SLCO3A1: variants seen among roughly 807,000 people sequenced by gnomAD.
The protein encoded by SLCO3A1 is PGE1 transporter.
A neutral mutation model predicts 63.1 loss-of-function variants in SLCO3A1; 27 were observed. That is an observed-to-expected ratio of 0.43 (90% confidence interval 0.32 to 0.59). The LOEUF is 0.59. SLCO3A1 is among the 20% of genes least tolerant of loss of function. SLCO3A1 has a pLI of 0.09. For missense variants in SLCO3A1, 773 were observed against 945.8 expected (o/e 0.82, Z 2.40); for synonymous variants, 473 against 409.9 (o/e 1.15, Z -1.86).
intron 4 of SLCO3A1, among the ~76,000 whole-genome samples, chr15:92,115,815 CAAAAAA>C (rs765666191): frequency 1.0e-4 from 9 of 86,712 alleles, no homozygotes; most frequent in Non-Finnish European, 1.7e-4. Context: ...TCTCTTCCCT[CAAAAAA>C]AAAAAAAAAA....
intron 2 of SLCO3A1, among the ~76,000 whole-genome samples, chr15:92,091,978 C>T (rs2047483200): frequency 6.6e-6 from 1 of 152,196 alleles, no homozygotes; most frequent in Non-Finnish European, 1.5e-5. Context: ...CACAGCAGGC[C>T]ACTGCTGTTC....
intron 9 of SLCO3A1, chr15:92,157,118 C>T (rs1313807952): frequency 6.6e-6 from 1 of 152,128 alleles, no homozygotes; most frequent in Non-Finnish European, 1.5e-5. Context: ...TTAATATTCC[C>T]TCTAATAGCG....
chr15:91,916,585 T>A lies in SLCO3A1; in HGVS notation c.646+127T>A. 1.4e-6 allele frequency: 1 copy of A among 695,412 alleles called. No homozygotes were observed. Among genetic ancestry groups the A allele is most frequent in the Non-Finnish European group, 2.3e-6 (1 of 428,252 alleles). 43.1% of individuals were successfully genotyped at this position (695,412 alleles called of 1,614,324 possible). A position where few individuals can be genotyped will look rare whatever the true frequency, so the allele number is the denominator to read the frequency against. ...GACTTGGCTGCACACCTAGTGTTCT[T>A]GAAAAATACTCATGCCTGGGGGTGC... On this transcript the variant is annotated intron_variant, in intron 2 of 9. Transcript: ENST00000318445. The surrounding 1 kb of genome is among the most constrained non-coding windows in gnomAD (Gnocchi z 6.2).
At chr15:92,111,248 G>A (rs2047725537) in intron 4 of SLCO3A1, among the ~76,000 whole-genome samples, 1 of 152,126 alleles carries the variant, frequency 6.6e-6, no homozygotes, top group South Asian at 2.1e-4. Flanking sequence ...CTGCATCTCA[G>A]CCTCCTCCAT....
At chr15:92,060,817 T>A (rs1471329907) in intron 2 of SLCO3A1, among the ~76,000 whole-genome samples, 1 of 152,148 alleles carries the variant, frequency 6.6e-6, no homozygotes, top group Non-Finnish European at 1.5e-5. Flanking sequence ...TTTAATAAAA[T>A]TTTTATTTTT....
chr15:92,011,825 A>G (rs2046372053), intron 2 of SLCO3A1, among the ~76,000 whole-genome samples: 1 of 152,264 alleles, frequency 6.6e-6, no homozygotes. Context: ...GGCAGTGGCT[A>G]GCAGCCCTCT....
intron 9 of SLCO3A1, 178 bp from the exon 10 acceptor site, chr15:92,162,578 A>T (rs2048452814): frequency 2.0e-6 from 2 of 1,014,912 alleles, no homozygotes; most frequent in Non-Finnish European, 2.8e-6. Context: ...GATTTGTACC[A>T]TAATAAAAAG....
chr15:91,868,470 A>C (rs1187225428), intron 1 of SLCO3A1, among the ~76,000 whole-genome samples: 1 of 152,068 alleles, frequency 6.6e-6, no homozygotes, highest in Non-Finnish European at 1.5e-5. Flanking sequence ...CATAAAAAAA[A>C]ATCCATAATT....
At chr15:91,905,378 T>C (rs1278080241) in intron 1 of SLCO3A1, among the ~76,000 whole-genome samples, 1 of 152,220 alleles carries the variant, frequency 6.6e-6, no homozygotes, top group Non-Finnish European at 1.5e-5. Flanking sequence ...TCAAAGAACA[T>C]AGTATAGCAT....
chr15:92,065,157 A>G (rs374596000), intron 2 of SLCO3A1, among the ~76,000 whole-genome samples: 35 of 152,154 alleles, frequency 2.3e-4, no homozygotes, highest in East Asian at 1.5e-3. Flanking sequence ...ATCTCAGCTC[A>G]CTGCAACCTC....
intron 1 of SLCO3A1, among the ~76,000 whole-genome samples, chr15:91,871,765 G>GTTTTTTT (rs33938693): frequency 6.6e-5 from 3 of 45,706 alleles, no homozygotes; most frequent in Non-Finnish European, 1.1e-4. Flanking sequence ...TTTTTTTTTG[G>GTTTTTTT]TTTTTTTTTT....
chr15:92,146,991 C>A lies in SLCO3A1; in HGVS notation c.1520C>A (p.Thr507Lys). The change falls in exon 8 of 10, where the codon ACG (threonine) becomes AAG (lysine). Residue 507 changes from threonine to lysine, a missense_variant. Transcript: ENST00000318445. ...TGAACGCTTCCCTTTCAGAATCTCACGGGCTGTGCGTGCCTCACCACCGTC... is the reference window on the plus strand; with the variant it reads ...TGAACGCTTCCCTTTCAGAATCTCAAGGGCTGTGCGTGCCTCACCACCGTC... Reference protein sequence around the residue: ...CFAGCNSTNLTGCACLTTVPA... With the variant: ...CFAGCNSTNLKGCACLTTVPA... 1.2e-6 allele frequency: 2 copies of A among 1,610,390 alleles called. No homozygotes were observed. The highest frequency in any genetic ancestry group is 1.1e-5 in the South Asian group (1 of 90,436).
chr15:91,940,482 C>T (rs1036874829), intron 2 of SLCO3A1, among the ~76,000 whole-genome samples: 1 of 152,186 alleles, frequency 6.6e-6, no homozygotes, highest in African/African-American at 2.4e-5. Flanking sequence ...ATCACAGTGC[C>T]AAGGGGCCTT....
At chr15:92,121,777 ATG>A (rs928776113) in intron 5 of SLCO3A1, among the ~76,000 whole-genome samples, 1 of 152,234 alleles carries the variant, frequency 6.6e-6, no homozygotes, top group African/African-American at 2.4e-5. Flanking sequence ...AATGCAGAGA[ATG>A]TGGATCATGG....
At chr15:91,921,187 A>C (rs1898831833) in intron 2 of SLCO3A1, among the ~76,000 whole-genome samples, 1 of 152,276 alleles carries the variant, frequency 6.6e-6, no homozygotes, top group South Asian at 2.1e-4. Flanking sequence ...GTTGCCTTCT[A>C]CCTGTGTCCT....
At chr15:92,015,667 G>T (rs575667465) in intron 2 of SLCO3A1, among the ~76,000 whole-genome samples, 1 of 152,252 alleles carries the variant, frequency 6.6e-6, no homozygotes, top group African/African-American at 2.4e-5. Flanking sequence ...CCAGAACCTA[G>T]AGTTTACACA....
intron 2 of SLCO3A1, among the ~76,000 whole-genome samples, chr15:92,014,376 C>T (rs1440566950): frequency 1.3e-5 from 2 of 152,140 alleles, no homozygotes; most frequent in Admixed American, 6.5e-5. Context: ...TGGCACTCTT[C>T]GGAGGGCTGC....
At chr15:91,861,525 A>C (rs995151256) in intron 1 of SLCO3A1, among the ~76,000 whole-genome samples, 2 of 152,242 alleles carry the variant, frequency 1.3e-5, no homozygotes, top group African/African-American at 4.8e-5. Context: ...ATAGTTGGTC[A>C]TTAGTACTTT....
chr15:92,110,405 A>G (rs906834334), intron 4 of SLCO3A1, among the ~76,000 whole-genome samples: 1 of 152,106 alleles, frequency 6.6e-6, no homozygotes, highest in Non-Finnish European at 1.5e-5. Context: ...GCTTTAAGGT[A>G]TGGAGACAAA....
Sources: allele counts gnomAD v4.1 joint callset (sites outside exome capture counted in the v4.1 genomes callset), GRCh38; gene constraint gnomAD v4.1.1; non-coding constraint Gnocchi (gnomAD v3.1); transcripts MANE v1.5; gene names NCBI Gene and HGNC (gene_info 2026-07-23, HGNC 2026-07-21).